The following SPTBN2 variants were observed in gnomAD, a reference collection of about 807,000 sequenced individuals.
SPTBN2 encodes spectrin beta, non-erythrocytic 2.
SPTBN2 carries 107 observed loss-of-function variants against 284.2 expected under a neutral mutation model. The ratio of observed to expected loss-of-function variants is 0.38; its 90% CI spans 0.32 to 0.44. The LOEUF (loss-of-function observed/expected upper bound fraction) is 0.44. Ranked by LOEUF, SPTBN2 falls within the 20% of genes least tolerant of loss-of-function variation. The pLI is 1.00. For synonymous variants in SPTBN2, 1,289 were observed against 1,354.8 expected, an observed-to-expected ratio of 0.95 and a Z score of 1.07; for missense variants, 2,569 against 3,287.1, an observed-to-expected ratio of 0.78 and a Z score of 5.34.
rs1166682508 is a variant in SPTBN2 at position 66,707,428 on chromosome 11, T to A, written c.1653+88A>T. 1 of 1,389,750 alleles carries A rather than the reference T, an allele frequency of 7.2e-7. No homozygotes were observed. The highest frequency in any genetic ancestry group is 2.5e-5 in the East Asian group (1 of 40,178). The allele number at this position is 1,389,750 out of a possible 1,614,324, so 86.1% of individuals were successfully genotyped here. On this transcript the variant is annotated intron_variant, in intron 13 of 37. Coordinates refer to ENST00000533211, the MANE Select transcript of SPTBN2 (RefSeq NM_006946.4). This position sits in a 1 kb window ranked among gnomAD's most constrained non-coding sequence, Gnocchi z 4.9. ...TGTGCTGGTTCACACTCCACAGAGA[T>A]CGGCCGAGCAGACGGGCGGACGCAC...
rs1264055590 is a variant in SPTBN2 at position 66,683,627 on chromosome 11, G to T, written c.*2244C>A. On this transcript the variant is annotated 3_prime_UTR_variant, in exon 38 of 38. Coordinates refer to ENST00000533211, the MANE Select transcript of SPTBN2 (RefSeq NM_006946.4). ...TGCCGCATATGCAGATGCTGCTCGGGGTCTTCAGTCTCACCTCTCCGTTGA... is the reference window on the plus strand; with the variant it reads ...TGCCGCATATGCAGATGCTGCTCGGTGTCTTCAGTCTCACCTCTCCGTTGA... Among the ~76,000 whole-genome samples the T allele has an allele frequency of 6.6e-6, 1 of 152,204 alleles. No homozygotes were observed.
chr11:66,715,181 A>C lies in SPTBN2; in HGVS notation c.483+41T>G, dbSNP rs1422748966. 1.2e-6 allele frequency: 2 copies of C among 1,613,644 alleles called. No homozygotes were observed. Among genetic ancestry groups the C allele is most frequent in the South Asian group, 2.2e-5 (2 of 91,058 alleles). ...CAGGAACGGCTTGCGGTGCAGAGCC[A>C]GGGCAGGAACCACACCCTGTGTGAC... On this transcript the variant is annotated intron_variant, in intron 5 of 37. Transcript: ENST00000533211. The surrounding 1 kb of genome is among the most constrained non-coding windows in gnomAD (Gnocchi z 5.3).
At position 66,710,578 on chromosome 11, in the gene SPTBN2, C is replaced by G. The variant is rs539652266; in HGVS notation, c.1073+4G>C. The stretch of plus-strand genomic sequence containing the variant: ...GGGAAGGGTGGGGCCCCAGGGACAC[C>G]TACTTGGGCGGCTTCTCCACGGTGC... On this transcript the variant is annotated splice_donor_region_variant and intron_variant, in intron 10 of 37. Coordinates refer to ENST00000533211, the MANE Select transcript of SPTBN2 (RefSeq NM_006946.4). The surrounding 1 kb of genome is among the most constrained non-coding windows in gnomAD (Gnocchi z 4.9). 1 of 1,613,128 alleles carries G rather than the reference C, an allele frequency of 6.2e-7. No homozygotes were observed. The highest frequency in any genetic ancestry group is 1.1e-5 in the South Asian group (1 of 90,884).
Position 66,691,239 on chromosome 11 carries a change from T to A in SPTBN2, c.5565+45A>T, listed in dbSNP as rs1940522589. 2 of 1,504,002 alleles carry A rather than the reference T, an allele frequency of 1.3e-6. No individual in the cohort carries two copies. The highest frequency in any genetic ancestry group is 4.6e-5 in the Admixed American group (2 of 43,676). The allele number at this position is 1,504,002 out of a possible 1,614,324, so 93.2% of individuals were successfully genotyped here. A position where few individuals can be genotyped will look rare whatever the true frequency, so the allele number is the denominator to read the frequency against. ...GGAACTCTCCCCGGCATTTCCCCCA[T>A]GGCCTCCTCTAAGCCTCCCCCACCT... On this transcript the variant is annotated intron_variant, in intron 27 of 37. Transcript: ENST00000533211. This position sits in a 1 kb window ranked among gnomAD's most constrained non-coding sequence, Gnocchi z 8.0.
At position 66,684,875 on chromosome 11, in the gene SPTBN2, G is replaced by C. The variant is rs1234291193; in HGVS notation, c.*996C>G. Among the ~76,000 whole-genome samples the C allele has an allele frequency of 2.0e-5, 3 of 152,170 alleles. No individual in the cohort carries two copies. The highest frequency in any genetic ancestry group is 4.4e-5 in the Non-Finnish European group (3 of 68,030). ...CACCACTGGGCTGAGCAGTGGCTGA[G>C]ACTGGCTGGGGCTGTAGCAATGCTT... On this transcript the variant is annotated 3_prime_UTR_variant, in exon 38 of 38. Coordinates refer to ENST00000533211, the MANE Select transcript of SPTBN2 (RefSeq NM_006946.4).
At chr11:66,714,771 A>C (rs1434264600) in intron 5 of SPTBN2, among the ~76,000 whole-genome samples, 1 of 152,134 alleles carries the variant, frequency 6.6e-6, no homozygotes, top group Non-Finnish European at 1.5e-5. Flanking sequence ...GGTGATCAGG[A>C]ACGCTGTGAT....
chr11:66,737,489 G>A (rs1184418975), intron 1 of SPTBN2, among the ~76,000 whole-genome samples: 1 of 152,182 alleles, frequency 6.6e-6, no homozygotes, highest in Non-Finnish European at 1.5e-5. Context: ...TGGATTCTCT[G>A]TGGGTTCAAC....
intron 13 of SPTBN2, 53 bp from the exon 14 acceptor site, chr11:66,705,890 C>T: frequency 1.3e-6 from 2 of 1,589,586 alleles, no homozygotes; most frequent in Admixed American, 1.8e-5. Context: ...ACGCGCTAAC[C>T]TGGCTGCGTT....
At position 66,685,586 on chromosome 11, in the gene SPTBN2, C is replaced by T. The variant is rs994498908; in HGVS notation, c.*285G>A. On this transcript the variant is annotated 3_prime_UTR_variant, in exon 38 of 38. Coordinates refer to ENST00000533211, the MANE Select transcript of SPTBN2 (RefSeq NM_006946.4). The surrounding 1 kb of genome is among the most constrained non-coding windows in gnomAD (Gnocchi z 4.4). ...GTTGAGGGTGCGGCACTGTCCACACCGTGGTGAGGGACAGAGGCACGAGGC... is the reference window on the plus strand; with the variant it reads ...GTTGAGGGTGCGGCACTGTCCACACTGTGGTGAGGGACAGAGGCACGAGGC... 1.6e-5 allele frequency: 7 copies of T among 430,780 alleles called. No homozygotes were observed. The highest frequency in any genetic ancestry group is 3.0e-5 in the Non-Finnish European group (7 of 234,418). 26.7% of individuals were successfully genotyped at this position (430,780 alleles called of 1,614,324 possible). A position where few individuals can be genotyped will look rare whatever the true frequency, so the allele number is the denominator to read the frequency against.
At position 66,691,704 on chromosome 11, in the gene SPTBN2, A is replaced by C; in HGVS notation, c.5191-46T>G. 1.2e-6 allele frequency: 2 copies of C among 1,611,356 alleles called. No homozygotes were observed. Among genetic ancestry groups the C allele is most frequent in the Non-Finnish European group, 1.7e-6 (2 of 1,179,934 alleles). ...ACAGACCATGCCGTGATGTTAGGGG[A>C]TGTGGTCCCTGCCTGATGGAGCGAG... On this transcript the variant is annotated intron_variant, in intron 26 of 37. Coordinates refer to ENST00000533211, the MANE Select transcript of SPTBN2 (RefSeq NM_006946.4). This position sits in a 1 kb window ranked among gnomAD's most constrained non-coding sequence, Gnocchi z 8.0.
rs766706005 is a variant in SPTBN2 at position 66,708,944 on chromosome 11, G to C, written c.1149C>G (p.Val383=). ...QSKLRANNQK[V]YTPREGRLIS... is the part of the protein sequence containing the mutation. ...TGAGCCGGCCCTCGCGGGGCGTGTA[G>C]ACCTTCTGGTTGTTGGCCCGAAGCT... is the stretch of plus-strand genomic sequence containing the variant. The change falls in exon 11 of 38, where the codon GTC becomes GTG. Residue 383 remains valine, a synonymous_variant. Transcript: ENST00000533211. The surrounding 1 kb of genome is among the most constrained non-coding windows in gnomAD (Gnocchi z 4.4). 3.7e-6 allele frequency: 6 copies of C among 1,614,096 alleles called. No homozygotes were observed. The highest frequency in any genetic ancestry group is 5.1e-6 in the Non-Finnish European group (6 of 1,179,994).
At chr11:66,701,767 G>A (rs547467393) in intron 15 of SPTBN2, 46 bp from the exon 16 acceptor site, 2 of 1,613,646 alleles carry the variant, frequency 1.2e-6, no homozygotes, top group Admixed American at 3.3e-5. Context: ...AGGCAGCGAT[G>A]TGCCCAGTCC....
Position 66,715,988 on chromosome 11 carries a change from T to C in SPTBN2, c.158-7A>G, listed in dbSNP as rs1266033729. On this transcript the variant is annotated splice_polypyrimidine_tract_variant and splice_region_variant and intron_variant, in intron 3 of 37. Coordinates refer to ENST00000533211, the MANE Select transcript of SPTBN2 (RefSeq NM_006946.4). This position sits in a 1 kb window ranked among gnomAD's most constrained non-coding sequence, Gnocchi z 5.3. The stretch of plus-strand genomic sequence containing the variant: ...TGCACAGCTTCTCGTTCATCTGTGG[T>C]GGCAACATGGGTTTATTTCTGTCCC... 6.2e-7 allele frequency: 1 copy of C among 1,613,754 alleles called. No homozygotes were observed.
chr11:66,691,752 C>G lies in SPTBN2; in HGVS notation c.5191-94G>C. 6.4e-7 allele frequency: 1 copy of G among 1,569,918 alleles called. No individual in the cohort carries two copies. Among genetic ancestry groups the G allele is most frequent in the Non-Finnish European group, 8.7e-7 (1 of 1,154,028 alleles). The stretch of plus-strand genomic sequence containing the variant: ...GAGTCCTCCACTCCAAACTCAGAAC[C>G]CACCTCTCCCCGCTGCATGGGGGCC... On this transcript the variant is annotated intron_variant, in intron 26 of 37. Coordinates refer to ENST00000533211, the MANE Select transcript of SPTBN2 (RefSeq NM_006946.4). The surrounding 1 kb of genome is among the most constrained non-coding windows in gnomAD (Gnocchi z 8.0).
intron 1 of SPTBN2, among the ~76,000 whole-genome samples, chr11:66,738,219 A>C (rs1021881982): frequency 3.9e-5 from 6 of 152,216 alleles, no homozygotes; most frequent in South Asian, 2.1e-4. Flanking sequence ...CGGTCTCAAA[A>C]AAACAAACAA....
intron 1 of SPTBN2, chr11:66,728,313 GGCGCGGGGGGC>G (rs1476258788): frequency 1.4e-5 from 2 of 145,450 alleles, no homozygotes; most frequent in African/African-American, 4.9e-5. Context: ...GGGCGCAGGC[GGCGCGGGGGGC>G]GCGCGGGGCG....
Position 66,707,479 on chromosome 11 carries a change from G to C in SPTBN2, c.1653+37C>G. Reference sequence around the variant, plus strand: ...CCACTGTGGGGCCCCCTCGACTCTTGATCACTCTTACCCCACCCAGCACGC... The same window carrying C: ...CCACTGTGGGGCCCCCTCGACTCTTCATCACTCTTACCCCACCCAGCACGC... On this transcript the variant is annotated intron_variant, in intron 13 of 37. Transcript: ENST00000533211. The surrounding 1 kb of genome is among the most constrained non-coding windows in gnomAD (Gnocchi z 4.9). The C allele has an allele frequency of 6.4e-7, 1 of 1,566,486 alleles. No homozygotes were observed.
chr11:66,732,858 C>T (rs1411202201), upstream of SPTBN2, among the ~76,000 whole-genome samples: 3 of 150,926 alleles, frequency 2.0e-5, no homozygotes, highest in Non-Finnish European at 3.0e-5. Flanking sequence ...CCCAGCTACT[C>T]GGGAGGCTGA....
Position 66,707,415 on chromosome 11 carries a change from C to T in SPTBN2, c.1653+101G>A. 7.7e-7 allele frequency: 1 copy of T among 1,294,246 alleles called. No homozygotes were observed. The highest frequency in any genetic ancestry group is 1.1e-6 in the Non-Finnish European group (1 of 933,266). 80.2% of individuals were successfully genotyped at this position (1,294,246 alleles called of 1,614,324 possible). A position where few individuals can be genotyped will look rare whatever the true frequency, so the allele number is the denominator to read the frequency against. On this transcript the variant is annotated intron_variant, in intron 13 of 37. Transcript: ENST00000533211. This position sits in a 1 kb window ranked among gnomAD's most constrained non-coding sequence, Gnocchi z 4.9. ...GGGGACAGGGCCCTGTGCTGGTTCA[C>T]ACTCCACAGAGATCGGCCGAGCAGA...
Sources: gnomAD v4.1 joint callset for allele counts (sites outside exome capture counted in the v4.1 genomes callset) on GRCh38, gnomAD v4.1.1 for gene constraint, Gnocchi (gnomAD v3.1) non-coding constraint, MANE v1.5 for transcripts, NCBI Gene and HGNC (gene_info 2026-07-23, HGNC 2026-07-21) for gene names.